The following ASIC2 variants were observed in gnomAD, a reference collection of about 807,000 sequenced individuals.
ASIC2 encodes acid sensing ion channel subunit 2.
ASIC2 carries 25 observed loss-of-function variants against 57.3 expected under a neutral mutation model. The ratio of observed to expected loss-of-function variants is 0.44; its 90% CI spans 0.32 to 0.61. The LOEUF is 0.61. Among genes scored for constraint, ASIC2 ranks in the 20% least tolerant of loss-of-function variants. The pLI is 0.06. For synonymous variants in ASIC2, 319 were observed against 307.5 expected, an observed-to-expected ratio of 1.04 and a Z score of -0.39; for missense variants, 641 against 738.1, an observed-to-expected ratio of 0.87 and a Z score of 1.52.
At chr17:33,038,434 G>A (rs183501937) in intron 3 of ASIC2, among the ~76,000 whole-genome samples, 50 of 152,320 alleles carry the variant, frequency 3.3e-4, no homozygotes, top group Non-Finnish European at 7.3e-5. Flanking sequence ...ATCTATGGGA[G>A]TGGAGCTGGG....
intron 1 of ASIC2, among the ~76,000 whole-genome samples, chr17:34,065,911 A>T (rs1415128398): frequency 1.3e-5 from 2 of 152,160 alleles, no homozygotes; most frequent in Non-Finnish European, 2.9e-5. Flanking sequence ...CCCCTCTTCT[A>T]ACACCTTTGC....
At chr17:33,434,970 A>C (rs1911556567) in intron 1 of ASIC2, among the ~76,000 whole-genome samples, 1 of 152,164 alleles carries the variant, frequency 6.6e-6, no homozygotes, top group Non-Finnish European at 1.5e-5. Context: ...ACTGTTGAGT[A>C]GGTAATGTGA....
At chr17:33,211,030 C>A (rs956866330) in intron 1 of ASIC2, among the ~76,000 whole-genome samples, 4 of 152,158 alleles carry the variant, frequency 2.6e-5, no homozygotes, top group African/African-American at 9.7e-5. Context: ...ATAAGCAATG[C>A]CCTGTCAGGT....
At chr17:33,733,309 G>A (rs116793001) in intron 1 of ASIC2, among the ~76,000 whole-genome samples, 1 of 152,246 alleles carries the variant, frequency 6.6e-6, no homozygotes, top group African/African-American at 2.4e-5. Context: ...TATTTGCACG[G>A]GTTCCTAATG....
chr17:34,069,403 CTCTT>C (rs1211721369), intron 1 of ASIC2: 4 of 120,500 alleles, frequency 3.3e-5, no homozygotes, highest in East Asian at 2.3e-4. Flanking sequence ...TTCCTTCTTT[CTCTT>C]TCTTTCTTCC....
intron 1 of ASIC2, among the ~76,000 whole-genome samples, chr17:34,128,028 A>G (rs739763): frequency 0.087 from 13,273 of 152,186 alleles, 1,874 homozygotes; most frequent in African/African-American, 0.3. Context: ...GACAGCCACA[A>G]ATATATAATG....
intron 1 of ASIC2, among the ~76,000 whole-genome samples, chr17:33,953,605 C>G (rs1232100240): frequency 6.6e-6 from 1 of 151,914 alleles, no homozygotes; most frequent in African/African-American, 2.4e-5. Flanking sequence ...GTGTATAAAC[C>G]CTGTCAAAAA....
At chr17:33,561,731 GA>G (rs35695392) in intron 1 of ASIC2, among the ~76,000 whole-genome samples, 15,109 of 152,150 alleles carry the variant, frequency 0.099, 1,953 homozygotes, top group African/African-American at 0.3. Flanking sequence ...CAGGAGCCTG[GA>G]AAAAAATATG....
chr17:33,265,256 C>A (rs1343504694), intron 1 of ASIC2, among the ~76,000 whole-genome samples: 1 of 152,168 alleles, frequency 6.6e-6, no homozygotes, highest in African/African-American at 2.4e-5. Flanking sequence ...TGGAATCAAC[C>A]CAAATGACCA....
intron 1 of ASIC2, among the ~76,000 whole-genome samples, chr17:33,220,600 T>G (rs959213836): frequency 7.9e-5 from 12 of 152,164 alleles, no homozygotes; most frequent in Admixed American, 3.3e-4. Flanking sequence ...GAAAAATATA[T>G]AACTGGGTAG....
chr17:33,156,709 T>C (rs1293519445), intron 1 of ASIC2, among the ~76,000 whole-genome samples: 19 of 151,964 alleles, frequency 1.3e-4, no homozygotes, highest in Admixed American at 1.2e-3. Flanking sequence ...TGAGCCGAGA[T>C]TGTGACACTG....
intron 1 of ASIC2, among the ~76,000 whole-genome samples, chr17:33,568,033 T>G (rs142014700): frequency 1.0e-3 from 159 of 152,324 alleles, no homozygotes; most frequent in Non-Finnish European, 1.7e-3. Flanking sequence ...CCAAGCCATT[T>G]TGTTTTTATA....
At chr17:33,764,274 G>A (rs965031168) in intron 1 of ASIC2, among the ~76,000 whole-genome samples, 8 of 149,288 alleles carry the variant, frequency 5.4e-5, no homozygotes, top group South Asian at 2.1e-4. Flanking sequence ...CCCAGATCGC[G>A]CCACTGCACT....
chr17:33,113,974 A>C (rs1297135570), intron 1 of ASIC2, among the ~76,000 whole-genome samples: 1 of 152,192 alleles, frequency 6.6e-6, no homozygotes, highest in South Asian at 2.1e-4. Flanking sequence ...TGCTTTTCTC[A>C]TCAGTCCATC....
chr17:33,303,189 C>T (rs191401328), intron 1 of ASIC2, among the ~76,000 whole-genome samples: 1 of 152,356 alleles, frequency 6.6e-6, no homozygotes, highest in East Asian at 1.9e-4. Flanking sequence ...AAAAGCAGAA[C>T]ACCCAGAGTT....
chr17:33,397,290 T>C (rs748781376), intron 1 of ASIC2, among the ~76,000 whole-genome samples: 6 of 152,182 alleles, frequency 3.9e-5, no homozygotes, highest in Non-Finnish European at 7.3e-5. Context: ...TCTCCACCCT[T>C]AGTTCTCACC....
chr17:33,332,115 G>A (rs1391180190), intron 1 of ASIC2, among the ~76,000 whole-genome samples: 1 of 152,188 alleles, frequency 6.6e-6, no homozygotes, highest in Non-Finnish European at 1.5e-5. Context: ...ATGATGCCTA[G>A]TTGACCAAGT....
intron 1 of ASIC2, among the ~76,000 whole-genome samples, chr17:33,759,362 T>G (rs1910710816): frequency 6.6e-6 from 1 of 152,294 alleles, no homozygotes; most frequent in African/African-American, 2.4e-5. Flanking sequence ...TACTTCTAAC[T>G]TCTTATGGTG....
At chr17:33,269,436 T>A (rs991518120) in intron 1 of ASIC2, among the ~76,000 whole-genome samples, 5 of 152,202 alleles carry the variant, frequency 3.3e-5, no homozygotes, top group Non-Finnish European at 5.9e-5. Context: ...TAGTCCTTTA[T>A]GCAAGGACCC....
Sources: allele counts gnomAD v4.1 joint callset (sites outside exome capture counted in the v4.1 genomes callset), GRCh38; gene constraint gnomAD v4.1.1; transcripts MANE v1.5; gene names NCBI Gene and HGNC (gene_info 2026-07-23, HGNC 2026-07-21).